The following ALOX5AP variants were observed in gnomAD, a reference collection of about 807,000 sequenced individuals.
ALOX5AP encodes arachidonate 5-lipoxygenase activating protein, also known as arachidonate 5-lipoxygenase-activating protein.
Under a neutral mutation model 18.5 loss-of-function variants are expected in ALOX5AP, and 9 were observed. The observed-to-expected ratio is 0.49, with a 90% CI of 0.29 to 0.85. ALOX5AP has a LOEUF of 0.85. Ranked by LOEUF, ALOX5AP falls within the 40% of genes least tolerant of loss-of-function variation. The probability of loss-of-function intolerance (pLI) is 0.08; values close to 1 mark genes in which losing one functional copy is unlikely to be tolerated. For missense variants in ALOX5AP, 172 were observed against 202.5 expected (o/e 0.85, Z 0.91); for synonymous variants, 81 against 78.6 (o/e 1.03, Z -0.16).
intron 4 of ALOX5AP, among the ~76,000 whole-genome samples, chr13:30,758,803 C>T (rs1951917538): frequency 6.6e-6 from 1 of 150,902 alleles, no homozygotes. Context: ...CTTCCCTTCC[C>T]TCCCTTCACA....
chr13:30,742,887 C>A, intron 1 of ALOX5AP, among the ~76,000 whole-genome samples: 1 of 112,788 alleles, frequency 8.9e-6, no homozygotes. Flanking sequence ...ATCATCCAAT[C>A]TATAGTCAAA....
rs1951855971 is a variant in ALOX5AP, at chr13:30,752,034, T to C, written c.171-18T>C. 2 of 1,613,296 alleles carry C rather than the reference T, an allele frequency of 1.2e-6. No individual in the cohort carries two copies. Among genetic ancestry groups the C allele is most frequent in the East Asian group, 4.5e-5 (2 of 44,866 alleles). The stretch of plus-strand genomic sequence containing the variant: ...CTTGGTCTCTGATTGTTTTTCTCCT[T>C]GTTTGTTTATTCTGCAGCCAGAACT... On this transcript the variant is annotated intron_variant, in intron 2 of 4. Coordinates refer to ENST00000380490, the MANE Select transcript of ALOX5AP (RefSeq NM_001629.4).
intron 4 of ALOX5AP, among the ~76,000 whole-genome samples, chr13:30,760,864 C>G (rs1268951764): frequency 6.6e-6 from 1 of 152,064 alleles, no homozygotes; most frequent in African/African-American, 2.4e-5. Context: ...TATGTACCAA[C>G]TTTTAGAAAC....
chr13:30,744,209 G>GC, intron 2 of ALOX5AP, 50 bp downstream of exon 2: 2 of 1,546,546 alleles, frequency 1.3e-6, no homozygotes, highest in Non-Finnish European at 1.8e-6. Context: ...GGGCAGGGGG[G>GC]CCTCCTTCTA....
At chr13:30,716,706 T>G (rs1477314738) in intron 1 of ALOX5AP, among the ~76,000 whole-genome samples, 3 of 152,204 alleles carry the variant, frequency 2.0e-5, no homozygotes, top group Admixed American at 2.0e-4. Flanking sequence ...AACACTATCC[T>G]GACTTTTGAC....
intron 1 of ALOX5AP, among the ~76,000 whole-genome samples, chr13:30,729,446 A>T (rs1306844924): frequency 6.6e-6 from 1 of 152,208 alleles, no homozygotes; most frequent in Non-Finnish European, 1.5e-5. Flanking sequence ...TATGGGCATC[A>T]TGAATTTTAA....
At chr13:30,730,683 T>C (rs1326350615), upstream of ALOX5AP, among the ~76,000 whole-genome samples, 1 of 152,106 alleles carries the variant, frequency 6.6e-6, no homozygotes, top group East Asian at 1.9e-4. Context: ...ATGAAGGCTA[T>C]GTGAATGTTG....
chr13:30,722,406 C>A (rs1951601162), intron 1 of ALOX5AP, among the ~76,000 whole-genome samples: 1 of 152,134 alleles, frequency 6.6e-6, no homozygotes, highest in Non-Finnish European at 1.5e-5. Context: ...GTGTTTAAGC[C>A]ATTGCTATTT....
chr13:30,758,882 T>A (rs1951918349), intron 4 of ALOX5AP, among the ~76,000 whole-genome samples: 1 of 152,056 alleles, frequency 6.6e-6, no homozygotes, highest in Non-Finnish European at 1.5e-5. Context: ...TGGCCTGATC[T>A]TGGCTCACTG....
At chr13:30,713,858 G>A (rs58228189) in intron 1 of ALOX5AP, 177,000 of 1,533,372 alleles carry the variant, frequency 0.12, 13,873 homozygotes, top group African/African-American at 0.36. Flanking sequence ...GTGTGTGTGC[G>A]CGCACACGCG....
chr13:30,749,158 A>G (rs2137819504), intron 2 of ALOX5AP, among the ~76,000 whole-genome samples: 1 of 152,338 alleles, frequency 6.6e-6, no homozygotes, highest in Admixed American at 6.5e-5. Flanking sequence ...TTTATTAGGA[A>G]CGAAGGTGAC....
At chr13:30,763,549 G>A (rs943118324) in intron 4 of ALOX5AP, among the ~76,000 whole-genome samples, 7 of 152,180 alleles carry the variant, frequency 4.6e-5, no homozygotes, top group Admixed American at 3.9e-4. Flanking sequence ...TTACACACGT[G>A]TCTGTCGTTA....
chr13:30,735,086 C>G (rs1951709941), upstream of ALOX5AP, among the ~76,000 whole-genome samples: 1 of 152,122 alleles, frequency 6.6e-6, no homozygotes, highest in Non-Finnish European at 1.5e-5. Flanking sequence ...CATTGGCTCA[C>G]TGTAGCCTCA....
chr13:30,732,992 T>TA (rs1951693616), upstream of ALOX5AP, among the ~76,000 whole-genome samples: 1 of 151,654 alleles, frequency 6.6e-6, no homozygotes, highest in Non-Finnish European at 1.5e-5. Flanking sequence ...CCGTCTCTAC[T>TA]AAAAAATATA....
At chr13:30,714,303 C>T (rs1951532464) in intron 1 of ALOX5AP, among the ~76,000 whole-genome samples, 1 of 150,984 alleles carries the variant, frequency 6.6e-6, no homozygotes, top group South Asian at 2.1e-4. Flanking sequence ...GTGATCCTTT[C>T]TACTCTTTCC....
chr13:30,754,983 T>C (rs1353604662), intron 3 of ALOX5AP, among the ~76,000 whole-genome samples: 2 of 152,266 alleles, frequency 1.3e-5, no homozygotes, highest in Non-Finnish European at 2.9e-5. Flanking sequence ...ATTGCTTTTA[T>C]ATCTGTAGCT....
intron 4 of ALOX5AP, among the ~76,000 whole-genome samples, chr13:30,762,644 G>A (rs1375598598): frequency 6.6e-6 from 1 of 152,066 alleles, no homozygotes. Flanking sequence ...CAGCATATGG[G>A]GTGCCTTTCA....
chr13:30,762,104 G>A (rs968273720), intron 4 of ALOX5AP, among the ~76,000 whole-genome samples: 2 of 152,220 alleles, frequency 1.3e-5, no homozygotes, highest in African/African-American at 4.8e-5. Flanking sequence ...CTTTTCTGAT[G>A]TGAGTGGGTC....
chr13:30,748,721 G>T (rs1951828640), intron 2 of ALOX5AP, among the ~76,000 whole-genome samples: 1 of 152,204 alleles, frequency 6.6e-6, no homozygotes, highest in Non-Finnish European at 1.5e-5. Flanking sequence ...GAGCCAGGTG[G>T]CACTTCACCT....
Sources: gnomAD v4.1 joint callset for allele counts (sites outside exome capture counted in the v4.1 genomes callset) on GRCh38, gnomAD v4.1.1 for gene constraint, MANE v1.5 for transcripts, NCBI Gene and HGNC (gene_info 2026-07-23, HGNC 2026-07-21) for gene names.